IGDCC4: variants seen among roughly 807,000 people sequenced by gnomAD.
IGDCC4 encodes likely ortholog of mouse neighbor of Punc E11.
A neutral mutation model predicts 116.6 loss-of-function variants in IGDCC4; 72 were observed. The ratio of observed to expected loss-of-function variants is 0.62; its 90% CI spans 0.51 to 0.75. IGDCC4 has a LOEUF of 0.75. Among genes scored for constraint, IGDCC4 ranks in the 30% least tolerant of loss-of-function variants. The pLI, the probability that IGDCC4 is intolerant of heterozygous loss-of-function variation, is 0.00. For missense variants in IGDCC4, 1,501 were observed against 1,662.4 expected (o/e 0.90, Z 1.69); for synonymous variants, 709 against 719.9 (o/e 0.98, Z 0.24).
intron 1 of IGDCC4, among the ~76,000 whole-genome samples, chr15:65,421,854 G>A (rs2063194410): frequency 6.6e-6 from 1 of 152,030 alleles, no homozygotes; most frequent in Admixed American, 6.5e-5. Flanking sequence ...CGACAGAGCT[G>A]TGGGTGGAAG....
intron 6 of IGDCC4, 55 bp from the exon 7 acceptor site, chr15:65,396,218 C>G (rs1040229139): frequency 9.6e-6 from 12 of 1,245,240 alleles, no homozygotes; most frequent in African/African-American, 4.5e-5. Context: ...AGGTCTCTGC[C>G]CCCCCCCCAG....
chr15:65,392,155 G>T lies in IGDCC4; in HGVS notation c.2101C>A (p.Gln701Lys). ...TCACCTAGCTGGGTCAGCTCATACTGCTTCACTTTCTTCTTGAGCCGGACA... is the reference window on the plus strand; with the variant it reads ...TCACCTAGCTGGGTCAGCTCATACTTCTTCACTTTCTTCTTGAGCCGGACA... ...GPVRLKKKVK[Q>K]YELTQLVPGR... is the part of the protein sequence containing the mutation. Residue 701 changes from glutamine (Q) to lysine (K), a missense_variant, in exon 11 of 20, where the codon CAG becomes AAG. This residue lies in a region of IGDCC4 where 898 missense variants were observed against 978.9 expected (regional missense o/e 0.92). Coordinates refer to ENST00000352385, the MANE Select transcript of IGDCC4 (RefSeq NM_020962.3). 1.2e-6 allele frequency: 2 copies of T among 1,610,878 alleles called. No homozygotes were observed. The highest frequency in any genetic ancestry group is 2.2e-5 in the South Asian group (2 of 90,696).
rs545951487 is a variant in IGDCC4 at position 65,384,889 on chromosome 15, A to C, written c.3342+65T>G. ...CCCAGGGGTCTCCAGAGAACTCATTACTTCCTCTTCACAAGCACAGAGACC... is the reference window on the plus strand; with the variant it reads ...CCCAGGGGTCTCCAGAGAACTCATTCCTTCCTCTTCACAAGCACAGAGACC... On this transcript the variant is annotated intron_variant, in intron 19 of 19. Transcript: ENST00000352385. The surrounding 1 kb of genome is among the most constrained non-coding windows in gnomAD (Gnocchi z 4.9). 11 of 1,550,250 alleles carry C rather than the reference A, an allele frequency of 7.1e-6. No individual in the cohort carries two copies. In the East Asian group the frequency reaches 2.3e-4, roughly 33 times the overall value.
intron 8 of IGDCC4, 125 bp from the exon 9 acceptor site, chr15:65,394,673 G>C: frequency 1.1e-6 from 1 of 939,712 alleles, no homozygotes; most frequent in Non-Finnish European, 1.5e-6. Context: ...GGATCTGAGG[G>C]AGGAAAGGGA....
chr15:65,384,142 G>A lies in IGDCC4; in HGVS notation c.3620C>T (p.Ser1207Phe). 6.2e-7 allele frequency: 1 copy of A among 1,613,916 alleles called. No homozygotes were observed. Among genetic ancestry groups the A allele is most frequent in the South Asian group, 1.1e-5 (1 of 91,078 alleles). Reference protein sequence around the residue: ...LTCLPEAASASCSYPDLQPGE... With the variant: ...LTCLPEAASAFCSYPDLQPGE... ...TGGCTGGAGGTCCGGGTAGGAGCAG[G>A]AAGCACTGGCTGCCTCTGGCAAGCA... The change falls in exon 20 of 20, where the codon TCC becomes TTC. Residue 1207 changes from serine (S) to phenylalanine (F), a missense_variant. Ser to Phe is a radical substitution (Grantham distance 155). This residue lies in a region of IGDCC4 where 368 missense variants were observed against 355.6 expected (regional missense o/e 1.03). Coordinates refer to ENST00000352385, the MANE Select transcript of IGDCC4 (RefSeq NM_020962.3). This position sits in a 1 kb window ranked among gnomAD's most constrained non-coding sequence, Gnocchi z 4.9.
intron 3 of IGDCC4, among the ~76,000 whole-genome samples, chr15:65,406,293 C>T (rs1237558106): frequency 6.6e-6 from 1 of 151,984 alleles, no homozygotes; most frequent in East Asian, 1.9e-4. Context: ...TACGAAAGAG[C>T]GAGTTGATGT....
At chr15:65,411,796 A>G (rs2063096820) in intron 1 of IGDCC4, among the ~76,000 whole-genome samples, 1 of 152,258 alleles carries the variant, frequency 6.6e-6, no homozygotes, top group African/African-American at 2.4e-5. Flanking sequence ...CCATAAAGAC[A>G]GAAAGTGGAT....
At position 65,412,769 on chromosome 15, in the gene IGDCC4, T is replaced by TA. The variant is rs1039325427; in HGVS notation, c.71-1400dup. 1.1e-3 allele frequency among the ~76,000 whole-genome samples: 173 copies of TA among 151,788 alleles called. 1 individual carries two copies. The highest frequency in any genetic ancestry group is 2.3e-3 in the Admixed American group (35 of 15,240). ...GTAACACAGGGAGACCTCATCATTA[T>TA]AAAAAAAAATTTTTTTAATTAGCCA... On this transcript the variant is annotated intron_variant, in intron 1 of 19. Coordinates refer to ENST00000352385, the MANE Select transcript of IGDCC4 (RefSeq NM_020962.3).
At chr15:65,399,091 G>A (rs181772353) in intron 5 of IGDCC4, among the ~76,000 whole-genome samples, 1 of 152,082 alleles carries the variant, frequency 6.6e-6, no homozygotes, top group African/African-American at 2.4e-5. Context: ...ATTAGCAGGG[G>A]ACCTTGTTAA....
In IGDCC4 at chr15:65,383,877, C is replaced by G. The variant is rs1315438862; in HGVS notation, c.*132G>C. ...ATCCATGTTTTCCTCTCCCCTCAGC[C>G]AAAGCAACTTAGGAAGCTCCAAAGG... On this transcript the variant is annotated 3_prime_UTR_variant, in exon 20 of 20. Transcript: ENST00000352385. 1.8e-5 allele frequency: 15 copies of G among 837,942 alleles called. No homozygotes were observed. Among genetic ancestry groups the G allele is most frequent in the African/African-American group, 3.4e-5 (2 of 58,218 alleles). 51.9% of individuals were successfully genotyped at this position (837,942 alleles called of 1,614,324 possible).
intron 1 of IGDCC4, among the ~76,000 whole-genome samples, chr15:65,414,265 C>T (rs2063123768): frequency 6.6e-6 from 1 of 152,182 alleles, no homozygotes; most frequent in African/African-American, 2.4e-5. Context: ...TGGGCTGCTG[C>T]CTTTCTTAAT....
rs1367078586 is a variant in IGDCC4 at position 65,393,541 on chromosome 15, C to T, written c.1715-10G>A. ...GTAGAGAAAATCTGATCTGCAGGGA[C>T]AGAAAAGGTGGGCTGCTGGGTAGCC... On this transcript the variant is annotated splice_polypyrimidine_tract_variant and intron_variant, in intron 9 of 19. Coordinates refer to ENST00000352385, the MANE Select transcript of IGDCC4 (RefSeq NM_020962.3). This position sits in a 1 kb window ranked among gnomAD's most constrained non-coding sequence, Gnocchi z 4.6. 1 of 1,582,466 alleles carries T rather than the reference C, an allele frequency of 6.3e-7. No homozygotes were observed. The highest frequency in any genetic ancestry group is 1.7e-4 in the Middle Eastern group (1 of 5,942).
At chr15:65,418,346 C>A (rs1033472179) in intron 1 of IGDCC4, among the ~76,000 whole-genome samples, 4 of 152,026 alleles carry the variant, frequency 2.6e-5, no homozygotes, top group South Asian at 2.1e-4. Context: ...AAATTTATTT[C>A]TCTTGTGCCC....
chr15:65,382,063 A>G lies in IGDCC4; in HGVS notation c.*1946T>C, dbSNP rs770160889. Reference sequence around the variant, plus strand: ...CTAAGAGCCTACTGTTAAAACAGCCATTTAATTCAGGGCAGTTTTTTTTTC... The same window carrying G: ...CTAAGAGCCTACTGTTAAAACAGCCGTTTAATTCAGGGCAGTTTTTTTTTC... On this transcript the variant is annotated 3_prime_UTR_variant, in exon 20 of 20. Coordinates refer to ENST00000352385, the MANE Select transcript of IGDCC4 (RefSeq NM_020962.3). 6.6e-6 allele frequency: 1 copy of G among 152,448 alleles called. No individual in the cohort carries two copies. Among genetic ancestry groups the G allele is most frequent in the South Asian group, 2.1e-4 (1 of 4,830 alleles). 9.4% of individuals were successfully genotyped at this position (152,448 alleles called of 1,614,324 possible).
chr15:65,394,962 A>T, intron 8 of IGDCC4, 132 bp downstream of exon 8: 1 of 990,730 alleles, frequency 1.0e-6, no homozygotes, highest in Non-Finnish European at 1.4e-6. Flanking sequence ...AACCCCGCCC[A>T]CTCTCTTACG....
At chr15:65,411,441 AC>A in intron 1 of IGDCC4, 71 bp from the exon 2 acceptor site, 1 of 1,332,508 alleles carries the variant, frequency 7.5e-7, no homozygotes, top group Non-Finnish European at 1.0e-6. Flanking sequence ...CTCCTGAGTC[AC>A]CCATGCAGGG....
At chr15:65,410,728 G>C (rs866454214) in intron 2 of IGDCC4, 1 of 483,090 alleles carries the variant, frequency 2.1e-6, no homozygotes, top group South Asian at 2.9e-5. Flanking sequence ...TGACACAAAG[G>C]GGGCACTCTG....
In IGDCC4 at chr15:65,396,153, G is replaced by A. The variant is rs571122676; in HGVS notation, c.1008C>T (p.Ala336=). 4.8e-5 allele frequency: 72 copies of A among 1,488,150 alleles called. 1 individual carries two copies. In the East Asian group the frequency reaches 2.0e-3, roughly 40 times the overall value. The allele number at this position is 1,488,150 out of a possible 1,614,324, so 92.2% of individuals were successfully genotyped here. ...AAELRVLAAP[A]ITQAPEALSR... is the part of the protein sequence containing the mutation. The stretch of plus-strand genomic sequence containing the variant: ...ACAGCGCCTCGGGCGCCTGAGTGAT[G>A]GCGGGAGCCGCTAGGGGCGCGAGGG... The change falls in exon 7 of 20, where the codon GCC becomes GCT. Residue 336 remains alanine (A), a synonymous_variant. Coordinates refer to ENST00000352385, the MANE Select transcript of IGDCC4 (RefSeq NM_020962.3).
At chr15:65,395,297 C>A (rs751475093) in intron 7 of IGDCC4, 39 bp from the exon 8 acceptor site, 93 of 1,572,338 alleles carry the variant, frequency 5.9e-5, no homozygotes, top group Non-Finnish European at 7.5e-5. Context: ...CATAGTGCCA[C>A]CCCCCCGTGC....
Sources: gnomAD v4.1 joint callset for allele counts (sites outside exome capture counted in the v4.1 genomes callset) on GRCh38, gnomAD v4.1.1 for gene constraint, gnomAD v4.1.1 regional missense constraint, Gnocchi (gnomAD v3.1) non-coding constraint, MANE v1.5 for transcripts, NCBI Gene and HGNC (gene_info 2026-07-23, HGNC 2026-07-21) for gene names.